SLC5A11: variants seen among roughly 807,000 people sequenced by gnomAD.
SLC5A11 encodes the protein solute carrier family 5 member 11, also known as sodium/myo-inositol cotransporter 2.
Under a neutral mutation model 69.8 loss-of-function variants are expected in SLC5A11, and 48 were observed. The ratio of observed to expected loss-of-function variants is 0.69; its 90% CI spans 0.55 to 0.87. The LOEUF (loss-of-function observed/expected upper bound fraction) is 0.87, where lower values mean the gene tolerates loss of function less well. Ranked by LOEUF, SLC5A11 falls within the 40% of genes least tolerant of loss-of-function variation. SLC5A11 has a pLI of 0.00. For synonymous variants in SLC5A11, 319 were observed against 342.4 expected, an observed-to-expected ratio of 0.93 and a Z score of 0.75; for missense variants, 784 against 866.1, an observed-to-expected ratio of 0.91 and a Z score of 1.19.
At position 24,904,858 on chromosome 16, in the gene SLC5A11, G is replaced by A. The variant is rs561611278; in HGVS notation, c.1007-1799G>A. ...ACATAGGTATACATGTGCCATGGTGGTTTGCTGCACCAATCAACCTGTCAT... is the reference window on the plus strand; with the variant it reads ...ACATAGGTATACATGTGCCATGGTGATTTGCTGCACCAATCAACCTGTCAT... On this transcript the variant is annotated intron_variant, in intron 10 of 15. Coordinates refer to ENST00000347898, the Ensembl canonical transcript of SLC5A11. 3.3e-5 allele frequency among the ~76,000 whole-genome samples: 5 copies of A among 152,210 alleles called. No homozygotes were observed. The South Asian group carries it at 1.0e-3, about 32-fold the overall frequency.
chr16:24,865,166 T>C (rs1009840119), intron 3 of SLC5A11, among the ~76,000 whole-genome samples: 3 of 152,050 alleles, frequency 2.0e-5, no homozygotes, highest in Admixed American at 1.3e-4. Context: ...TAAACTGCAG[T>C]AGAAGAAATT....
At chr16:24,891,115 C>A (rs2048774154) in intron 9 of SLC5A11, 41 bp downstream of exon 10, 1 of 1,590,838 alleles carries the variant, frequency 6.3e-7, no homozygotes. Context: ...CTTCTCTTTG[C>A]TTCTTTCCTT....
intron 2 of SLC5A11, 149 bp downstream of exon 3, chr16:24,858,927 A>C: frequency 1.0e-6 from 1 of 985,146 alleles, no homozygotes; most frequent in Non-Finnish European, 1.4e-6. Flanking sequence ...GAACTTAAAA[A>C]TTTTAAACAT....
intron 11 of SLC5A11, 104 bp from the exon 13 acceptor site, chr16:24,906,920 GC>G: frequency 6.7e-7 from 1 of 1,502,650 alleles, no homozygotes; most frequent in Non-Finnish European, 9.0e-7. Context: ...AGGAAGCTCT[GC>G]CCCGCCGTCC....
chr16:24,852,386 A>G (rs274115), intron 1 of SLC5A11, among the ~76,000 whole-genome samples: 23,825 of 152,216 alleles, frequency 0.16, 2,129 homozygotes, highest in Non-Finnish European at 0.19. Flanking sequence ...GTCAGTGGCC[A>G]AAAGGAAGGG....
chr16:24,905,541 G>C (rs1166757090), intron 10 of SLC5A11, among the ~76,000 whole-genome samples: 1 of 151,858 alleles, frequency 6.6e-6, no homozygotes, highest in Admixed American at 6.6e-5. Flanking sequence ...TGGGAGGCTG[G>C]AGCCTGTGAG....
intron 9 of SLC5A11, 46 bp from the exon 11 acceptor site, chr16:24,897,928 A>G: frequency 1.9e-6 from 3 of 1,604,950 alleles, no homozygotes; most frequent in Non-Finnish European, 2.6e-6. Context: ...GACACAACCA[A>G]ACTATATCAG....
At chr16:24,869,466 A>G (rs552508614) in intron 3 of SLC5A11, among the ~76,000 whole-genome samples, 2 of 152,352 alleles carry the variant, frequency 1.3e-5, no homozygotes, top group Admixed American at 6.5e-5. Context: ...ATTTAGTGCT[A>G]TACCAAGAAG....
chr16:24,853,940 T>C (rs1259136343), intron 1 of SLC5A11, among the ~76,000 whole-genome samples: 1 of 152,220 alleles, frequency 6.6e-6, no homozygotes, highest in Non-Finnish European at 1.5e-5. Context: ...CTTTGGTCGC[T>C]GTTCCTGTCT....
intron 7 of SLC5A11, among the ~76,000 whole-genome samples, chr16:24,877,973 G>T (rs1330369438): frequency 6.6e-6 from 1 of 152,044 alleles, no homozygotes; most frequent in African/African-American, 2.4e-5. Context: ...GACAGAGCGA[G>T]ACACCAGCTC....
chr16:24,882,711 T>C (rs2048124899), intron 7 of SLC5A11, among the ~76,000 whole-genome samples: 1 of 152,324 alleles, frequency 6.6e-6, no homozygotes, highest in South Asian at 2.1e-4. Flanking sequence ...AGTGGCACGA[T>C]CTTGGCTCAC....
rs2050189641 is a variant in SLC5A11, at chr16:24,907,879, C to T, written c.1266-84C>T. ...CCGGCCTTGGCAACAGAACAAGACC[C>T]TGTCTATTAAAAGAGACAGAGAGAG... On this transcript the variant is annotated intron_variant, in intron 12 of 15. Transcript: ENST00000347898. The T allele has an allele frequency of 2.6e-6, 4 of 1,562,858 alleles. No individual in the cohort carries two copies. In the African/African-American group the frequency reaches 4.1e-5, roughly 16 times the overall value.
intron 12 of SLC5A11, among the ~76,000 whole-genome samples, chr16:24,907,678 G>T (rs947918840): frequency 6.6e-6 from 1 of 150,818 alleles, no homozygotes; most frequent in East Asian, 1.9e-4. Context: ...CTGCACTCCC[G>T]CCTGGGTGAC....
At chr16:24,849,296 G>A (rs796834106) in intron 1 of SLC5A11, among the ~76,000 whole-genome samples, 9 of 152,048 alleles carry the variant, frequency 5.9e-5, no homozygotes, top group South Asian at 2.1e-4. Flanking sequence ...AGCCGGGCAC[G>A]GTGGCTCACG....
chr16:24,897,865 C>T (rs146517862), intron 9 of SLC5A11, 109 bp from the exon 11 acceptor site: 22 of 1,440,540 alleles, frequency 1.5e-5, no homozygotes, highest in Middle Eastern at 2.5e-4. Flanking sequence ...TGACTCCCTC[C>T]CACAACATGT....
chr16:24,862,698 G>C, intron 3 of SLC5A11, 26 bp downstream of exon 4: 1 of 1,602,114 alleles, frequency 6.2e-7, no homozygotes, highest in South Asian at 1.1e-5. Context: ...TTCAATTAAA[G>C]TCACTTCTTA....
rs185722493 is a variant in SLC5A11 at position 24,886,423 on chromosome 16, G to A, written c.664+2292G>A. Among the ~76,000 whole-genome samples, 78 of 151,860 alleles carry A rather than the reference G, an allele frequency of 5.1e-4. 1 individual carries two copies. The East Asian group carries it at 0.011, about 21-fold the overall frequency. ...AGATGACAAATATAGAAGATAGAGA[G>A]CAGAGATATACCATTTGAGAAATGT... is the stretch of plus-strand genomic sequence containing the variant. On this transcript the variant is annotated intron_variant, in intron 8 of 15. Transcript: ENST00000347898.
At chr16:24,889,543 A>ATTTTTTTTTTTTTTT (rs71156454) in intron 8 of SLC5A11, among the ~76,000 whole-genome samples, 1 of 74,346 alleles carries the variant, frequency 1.3e-5, no homozygotes, top group African/African-American at 5.5e-5. Context: ...AGGTCTTACA[A>ATTTTTTTTTTTTTTT]TTTTTTTTTT....
chr16:24,890,515 AGAAGGAAGGAAGG>A (rs2048715972), intron 8 of SLC5A11, among the ~76,000 whole-genome samples: 3 of 60,808 alleles, frequency 4.9e-5, no homozygotes, highest in African/African-American at 2.2e-4. Context: ...AAAAAAAAAA[AGAAGGAAGGAAGG>A]AAAGAAAGGA....
Sources: allele counts gnomAD v4.1 joint callset (sites outside exome capture counted in the v4.1 genomes callset), GRCh38; gene constraint gnomAD v4.1.1; transcripts MANE v1.5; gene names NCBI Gene and HGNC (gene_info 2026-07-23, HGNC 2026-07-21).